IQCM: variants seen among roughly 807,000 people sequenced by gnomAD.
IQCM encodes the protein IQ motif containing M.
A neutral mutation model predicts 57.6 loss-of-function variants in IQCM; 45 were observed. The ratio of observed to expected loss-of-function variants is 0.78; its 90% CI spans 0.62 to 1.00. IQCM has a LOEUF of 1.00. Among genes scored for constraint, IQCM ranks in the 50% least tolerant of loss-of-function variants. IQCM has a pLI of 0.00. For synonymous variants in IQCM, 148 were observed against 158.9 expected, an observed-to-expected ratio of 0.93 and a Z score of 0.51; for missense variants, 468 against 511.6, an observed-to-expected ratio of 0.91 and a Z score of 0.82.
chr4:149,734,869 C>T (rs1489920917), intron 4 of IQCM, among the ~76,000 whole-genome samples: 1 of 152,082 alleles, frequency 6.6e-6, no homozygotes, highest in Non-Finnish European at 1.5e-5. Flanking sequence ...GAGCCAGGAA[C>T]AATCATTATT....
At chr4:149,626,943 A>T (rs996289622) in intron 7 of IQCM, among the ~76,000 whole-genome samples, 1 of 152,170 alleles carries the variant, frequency 6.6e-6, no homozygotes, top group Non-Finnish European at 1.5e-5. Context: ...ATACAGAAAA[A>T]AAAAGAACAA....
At chr4:149,535,657 C>T (rs894804251) in intron 12 of IQCM, among the ~76,000 whole-genome samples, 1 of 152,036 alleles carries the variant, frequency 6.6e-6, no homozygotes, top group Admixed American at 6.6e-5. Flanking sequence ...AGAAGAATAA[C>T]TCTTGTTAAG....
chr4:149,801,085 T>C (rs1294196495), intron 2 of IQCM, among the ~76,000 whole-genome samples: 2 of 151,786 alleles, frequency 1.3e-5, no homozygotes, highest in African/African-American at 4.8e-5. Flanking sequence ...GCAAAATGAA[T>C]AGACATCTCT....
At chr4:149,728,846 G>T (rs1367033197) in intron 5 of IQCM, among the ~76,000 whole-genome samples, 2 of 152,062 alleles carry the variant, frequency 1.3e-5, no homozygotes, top group Admixed American at 1.3e-4. Context: ...ACAACCCAAA[G>T]TTCCCCCTAG....
At chr4:149,466,085 A>T (rs1738829387) in intron 12 of IQCM, among the ~76,000 whole-genome samples, 1 of 152,172 alleles carries the variant, frequency 6.6e-6, no homozygotes. Flanking sequence ...CATCTTTATC[A>T]CCATAACAAA....
Position 149,682,211 on chromosome 4 carries a change from A to G in IQCM, c.477-5T>C. On this transcript the variant is annotated splice_region_variant and splice_polypyrimidine_tract_variant and intron_variant, in intron 6 of 13. Coordinates refer to ENST00000636793, the MANE Select transcript of IQCM (RefSeq NM_001363507.2). Reference sequence around the variant, plus strand: ...AGTAATTCCAACATTCTGTTTCTGAAACATTAAGTTGGATCTTTAAGTAAT... The same window carrying G: ...AGTAATTCCAACATTCTGTTTCTGAGACATTAAGTTGGATCTTTAAGTAAT... 1 of 1,188,310 alleles carries G rather than the reference A, an allele frequency of 8.4e-7. No individual in the cohort carries two copies. The highest frequency in any genetic ancestry group is 1.1e-6 in the Non-Finnish European group (1 of 948,828). The allele number at this position is 1,188,310 out of a possible 1,614,324, so 73.6% of individuals were successfully genotyped here. A position where few individuals can be genotyped will look rare whatever the true frequency, so the allele number is the denominator to read the frequency against.
At chr4:149,361,681 G>T (rs2110921703) in intron 13 of IQCM, among the ~76,000 whole-genome samples, 1 of 152,282 alleles carries the variant, frequency 6.6e-6, no homozygotes, top group South Asian at 2.1e-4. Context: ...CCTCCTCCTA[G>T]ATTTCAGAAG....
chr4:149,789,613 A>G (rs1772393885), intron 2 of IQCM, among the ~76,000 whole-genome samples: 1 of 152,226 alleles, frequency 6.6e-6, no homozygotes, highest in South Asian at 2.1e-4. Flanking sequence ...TGAGCTCAAG[A>G]GTTCAAGACC....
intron 12 of IQCM, among the ~76,000 whole-genome samples, chr4:149,535,945 G>T (rs1476533586): frequency 6.6e-6 from 1 of 151,958 alleles, no homozygotes; most frequent in Non-Finnish European, 1.5e-5. Context: ...GTTAAATAAT[G>T]TAAGATGAGA....
At chr4:149,765,295 G>A (rs1328674958) in intron 2 of IQCM, among the ~76,000 whole-genome samples, 1 of 152,150 alleles carries the variant, frequency 6.6e-6, no homozygotes, top group South Asian at 2.1e-4. Flanking sequence ...GTATGAGACA[G>A]ACATTGGCCA....
chr4:149,792,913 T>G (rs1580314229), intron 2 of IQCM, among the ~76,000 whole-genome samples: 1 of 152,112 alleles, frequency 6.6e-6, no homozygotes, highest in African/African-American at 2.4e-5. Context: ...CAAAATCAGG[T>G]TCTACCGTAG....
At chr4:149,602,307 C>T (rs958349934) in intron 8 of IQCM, among the ~76,000 whole-genome samples, 1 of 151,998 alleles carries the variant, frequency 6.6e-6, no homozygotes, top group African/African-American at 2.4e-5. Context: ...TTCAGAACCT[C>T]GAATACTAAT....
chr4:149,507,650 A>T (rs1743966332), intron 12 of IQCM, among the ~76,000 whole-genome samples: 2 of 152,164 alleles, frequency 1.3e-5, no homozygotes, highest in South Asian at 4.1e-4. Flanking sequence ...GGGTACTGTT[A>T]AAGATATTCA....
intron 2 of IQCM, among the ~76,000 whole-genome samples, chr4:149,781,339 A>T (rs1378884905): frequency 6.6e-6 from 1 of 152,210 alleles, no homozygotes; most frequent in Non-Finnish European, 1.5e-5. Context: ...TTTGAGTAGC[A>T]TGATGAAATC....
intron 13 of IQCM, among the ~76,000 whole-genome samples, chr4:149,424,564 T>G (rs1046558022): frequency 2.0e-5 from 3 of 151,772 alleles, no homozygotes; most frequent in African/African-American, 4.8e-5. Flanking sequence ...ATTCACAAAA[T>G]CTAGATATTA....
chr4:149,726,567 T>C (rs1423310533), intron 5 of IQCM, among the ~76,000 whole-genome samples: 1 of 152,204 alleles, frequency 6.6e-6, no homozygotes, highest in Admixed American at 6.5e-5. Flanking sequence ...TTTTTCTACC[T>C]ACATTTATTT....
chr4:149,373,221 C>A (rs1005524982), intron 13 of IQCM, among the ~76,000 whole-genome samples: 1 of 152,068 alleles, frequency 6.6e-6, no homozygotes, highest in Non-Finnish European at 1.5e-5. Flanking sequence ...ATGACACCTA[C>A]AATTGTAACC....
chr4:149,473,021 T>C (rs528719497), intron 12 of IQCM, among the ~76,000 whole-genome samples: 2 of 152,236 alleles, frequency 1.3e-5, no homozygotes, highest in Admixed American at 6.5e-5. Context: ...ATAAAAACAC[T>C]AGAAGAAAAC....
intron 13 of IQCM, among the ~76,000 whole-genome samples, chr4:149,375,260 C>A (rs770474854): frequency 1.3e-5 from 2 of 152,078 alleles, no homozygotes; most frequent in African/African-American, 4.8e-5. Context: ...TTGTACCTGA[C>A]CGAAACTACA....
Sources: allele counts gnomAD v4.1 joint callset (sites outside exome capture counted in the v4.1 genomes callset), GRCh38; gene constraint gnomAD v4.1.1; transcripts MANE v1.5; gene names NCBI Gene and HGNC (gene_info 2026-07-23, HGNC 2026-07-21).